LNX1: variants seen among roughly 807,000 people sequenced by gnomAD.
LNX1 encodes ligand of numb-protein X 1, also known as E3 ubiquitin-protein ligase LNX.
In LNX1, 54 loss-of-function variants were observed where a neutral mutation model predicts 68.4. The observed-to-expected ratio is 0.79, with a 90% CI of 0.63 to 0.99. The LOEUF (loss-of-function observed/expected upper bound fraction) is 0.99, where lower values mean the gene tolerates loss of function less well. Ranked by LOEUF, LNX1 falls within the 50% of genes least tolerant of loss-of-function variation. LNX1 has a pLI of 0.00. For missense variants in LNX1, 906 were observed against 926.4 expected, an observed-to-expected ratio of 0.98 and a Z score of 0.29; for synonymous variants, 336 against 350.0, an observed-to-expected ratio of 0.96 and a Z score of 0.45.
intron 1 of LNX1, among the ~76,000 whole-genome samples, chr4:53,591,034 G>A (rs146168883): frequency 6.6e-6 from 1 of 152,278 alleles, no homozygotes; most frequent in African/African-American, 2.4e-5. Context: ...CCCGTTAAAC[G>A]GGCTGAACAG....
chr4:53,569,914 T>G (rs1731016950), intron 2 of LNX1, among the ~76,000 whole-genome samples: 1 of 150,974 alleles, frequency 6.6e-6, no homozygotes, highest in Admixed American at 6.6e-5. Flanking sequence ...CATGAAAAAA[T>G]GCTCACCATC....
intron 9 of LNX1, among the ~76,000 whole-genome samples, chr4:53,469,203 A>G (rs1722949775): frequency 6.6e-6 from 1 of 152,236 alleles, no homozygotes; most frequent in African/African-American, 2.4e-5. Context: ...AAACTGCTCA[A>G]CTACATGGAA....
intron 6 of LNX1, among the ~76,000 whole-genome samples, chr4:53,490,385 T>A (rs7691696): frequency 6.6e-6 from 1 of 152,186 alleles, no homozygotes; most frequent in South Asian, 2.1e-4. Flanking sequence ...GATTGGGAAA[T>A]TGACTTGAGA....
rs114713006 is a variant in LNX1, at chr4:53,480,585, C to T, written c.1485+1135G>A. 9.5e-3 allele frequency among the ~76,000 whole-genome samples: 1,443 copies of T among 152,252 alleles called. 21 individuals carry two copies. Among genetic ancestry groups the T allele is most frequent in the African/African-American group, 0.033 (1,380 of 41,530 alleles). ...CAAAAAGACATCACGGAGTCCTTAT[C>T]CATAAAATGTTTTAGCAGGATATAT... is the stretch of plus-strand genomic sequence containing the variant. On this transcript the variant is annotated intron_variant, in intron 7 of 10. Coordinates refer to ENST00000263925, the MANE Select transcript of LNX1 (RefSeq NM_001126328.3).
Position 53,460,401 on chromosome 4 carries a change from A to C in LNX1, c.*506T>G, listed in dbSNP as rs1383788489. On this transcript the variant is annotated 3_prime_UTR_variant, in exon 11 of 11. Transcript: ENST00000263925. ...AAGAATAAATTACTAGGATCTTTTAAATAGTGATAATACAAAAGTAATCTT... is the reference window on the plus strand; with the variant it reads ...AAGAATAAATTACTAGGATCTTTTACATAGTGATAATACAAAAGTAATCTT... The C allele has an allele frequency of 5.3e-6, 1 of 188,750 alleles. No homozygotes were observed. Among genetic ancestry groups the C allele is most frequent in the African/African-American group, 2.3e-5 (1 of 42,684 alleles). The allele number at this position is 188,750 out of a possible 1,614,324, so 11.7% of individuals were successfully genotyped here. A position where few individuals can be genotyped will look rare whatever the true frequency, so the allele number is the denominator to read the frequency against.
chr4:53,513,048 C>T (rs1025434756), intron 2 of LNX1, among the ~76,000 whole-genome samples: 8 of 152,136 alleles, frequency 5.3e-5, no homozygotes, highest in African/African-American at 1.9e-4. Flanking sequence ...GCCTATCCCT[C>T]TGCCCCTGGT....
chr4:53,578,409 A>G (rs1424013569), intron 1 of LNX1, among the ~76,000 whole-genome samples: 1 of 152,220 alleles, frequency 6.6e-6, no homozygotes, highest in Non-Finnish European at 1.5e-5. Context: ...GCAAACCTGT[A>G]CAGCATGTAA....
intron 2 of LNX1, among the ~76,000 whole-genome samples, chr4:53,611,078 A>G (rs1279587279): frequency 6.6e-6 from 1 of 152,100 alleles, no homozygotes; most frequent in East Asian, 1.9e-4. Context: ...TTTGCAAATG[A>G]TATGATTGTA....
At chr4:53,595,998 G>T, upstream of LNX1, among the ~76,000 whole-genome samples, 1 of 152,046 alleles carries the variant, frequency 6.6e-6, no homozygotes, top group East Asian at 1.9e-4. Context: ...TCTTCTAAAG[G>T]TATTTAACAT....
chr4:53,567,951 A>G (rs1730823040), intron 2 of LNX1, among the ~76,000 whole-genome samples: 1 of 152,116 alleles, frequency 6.6e-6, no homozygotes, highest in African/African-American at 2.4e-5. Flanking sequence ...ACCAGGAAGA[A>G]GTTGAATCTC....
intron 6 of LNX1, among the ~76,000 whole-genome samples, chr4:53,486,106 G>A (rs998056417): frequency 5.3e-5 from 8 of 152,090 alleles, no homozygotes; most frequent in Admixed American, 4.6e-4. Context: ...TGGACACACT[G>A]GTTACAACCT....
In LNX1 at chr4:53,460,184, T is replaced by C; in HGVS notation, c.*723A>G. Reference sequence around the variant, plus strand: ...GGTCAAGCTGGTTTGGCCTTCTTGATGCATTTTCCAAGGCCCACTGGTGGA... The same window carrying C: ...GGTCAAGCTGGTTTGGCCTTCTTGACGCATTTTCCAAGGCCCACTGGTGGA... On this transcript the variant is annotated 3_prime_UTR_variant, in exon 11 of 11. Transcript: ENST00000263925. 5.1e-6 allele frequency: 1 copy of C among 197,252 alleles called. No homozygotes were observed. Among genetic ancestry groups the C allele is most frequent in the Non-Finnish European group, 1.1e-5 (1 of 95,092 alleles). 12.2% of individuals were successfully genotyped at this position (197,252 alleles called of 1,614,324 possible).
chr4:53,493,297 T>A (rs1205650184), intron 6 of LNX1, among the ~76,000 whole-genome samples: 1 of 152,122 alleles, frequency 6.6e-6, no homozygotes, highest in Non-Finnish European at 1.5e-5. Flanking sequence ...CTGGTTTTGT[T>A]CCCCACCTGC....
At chr4:53,551,607 G>A (rs1314351289) in intron 2 of LNX1, among the ~76,000 whole-genome samples, 1 of 152,122 alleles carries the variant, frequency 6.6e-6, no homozygotes, top group Non-Finnish European at 1.5e-5. Context: ...CTGTGGATGC[G>A]GACAGCCCAC....
At chr4:53,550,891 G>A (rs1729454888) in intron 2 of LNX1, among the ~76,000 whole-genome samples, 1 of 152,148 alleles carries the variant, frequency 6.6e-6, no homozygotes, top group African/African-American at 2.4e-5. Context: ...ATGGATAGAT[G>A]GAAATAGATA....
Position 53,573,917 on chromosome 4 carries a change from T to C in LNX1, c.86A>G (p.Tyr29Cys), listed in dbSNP as rs1731327223. The change falls in exon 2 of 11, where the codon TAC becomes TGC. Residue 29 changes from tyrosine to cysteine, a missense_variant. Tyr to Cys is a radical substitution (Grantham distance 194). Transcript: ENST00000263925. The part of the protein sequence containing the change: ...QAHSLEENHF[Y>C]SYPEEVDDDL... ...ATCATCCACTTCCTCTGGATAGCTG[T>C]AGAAGTGGTTTTCCTCCAAGGAGTG... The C allele has an allele frequency of 1.2e-6, 2 of 1,613,700 alleles. No individual in the cohort carries two copies. The highest frequency in any genetic ancestry group is 1.6e-4 in the Middle Eastern group (1 of 6,062).
chr4:53,506,621 G>T (rs1391365818), intron 4 of LNX1, among the ~76,000 whole-genome samples: 1 of 151,932 alleles, frequency 6.6e-6, no homozygotes, highest in Admixed American at 6.6e-5. Flanking sequence ...TTGAGAGGCC[G>T]AGGTGGGTGG....
chr4:53,461,390 AAAC>A (rs774913053), intron 10 of LNX1, 42 bp downstream of exon 10: 2 of 1,480,306 alleles, frequency 1.4e-6, no homozygotes, highest in Non-Finnish European at 1.9e-6. Context: ...GGCATTTATG[AAAC>A]AACATTTAAT....
In LNX1 at chr4:53,498,823, G is replaced by A. The variant is rs35082655; in HGVS notation, c.796C>T (p.Leu266=). 28,618 of 1,613,558 alleles carry A rather than the reference G, an allele frequency of 0.018. 304 individuals are homozygous for A. Among genetic ancestry groups the A allele is most frequent in the Non-Finnish European group, 0.021 (24,427 of 1,179,698 alleles). The change falls in exon 5 of 11, where the codon CTG becomes TTG. Residue 266 remains leucine, a synonymous_variant. Coordinates refer to ENST00000263925, the MANE Select transcript of LNX1 (RefSeq NM_001126328.3). ...APEVFPRLYH[L]IPDGEITSIK... ...CTGGTAATTTCACCATCTGGAATCA[G>A]GTGGTACAACCTTGGAAAGACTGAA...
Sources: gnomAD v4.1 joint callset for allele counts (sites outside exome capture counted in the v4.1 genomes callset) on GRCh38, gnomAD v4.1.1 for gene constraint, MANE v1.5 for transcripts, NCBI Gene and HGNC (gene_info 2026-07-23, HGNC 2026-07-21) for gene names.